CXCL13: variants seen among roughly 807,000 people sequenced by gnomAD.
The protein encoded by CXCL13 is C-X-C motif chemokine ligand 13, also known as C-X-C motif chemokine 13.
A neutral mutation model predicts 12.2 loss-of-function variants in CXCL13; 7 were observed. The observed-to-expected ratio is 0.57, with a 90% CI of 0.33 to 1.07. The LOEUF (loss-of-function observed/expected upper bound fraction) is 1.07. CXCL13 is among the 50% of genes least tolerant of loss of function. The pLI, the probability that CXCL13 is intolerant of heterozygous loss-of-function variation, is 0.04. For missense variants in CXCL13, 113 were observed against 127.4 expected (o/e 0.89, Z 0.55); for synonymous variants, 47 against 42.4 (o/e 1.11, Z -0.42).
intron 1 of CXCL13, among the ~76,000 whole-genome samples, chr4:77,535,292 A>G (rs1170616016): frequency 1.3e-5 from 2 of 152,126 alleles, no homozygotes; most frequent in East Asian, 3.9e-4. Context: ...CAGTTGTGAC[A>G]TACTTCTTTC....
Position 77,607,824 on chromosome 4 carries a change from A to G in CXCL13, c.186A>G (p.Arg62=). ...QILPRGNGCP[R]KEIIVWKKNK... ...TGCCCCGTGGGAATGGTTGTCCAAG[A>G]AAAGAAATCATGTAAGTTTCAAGAG... Residue 62 remains arginine, a synonymous_variant, in exon 2 of 4, where the codon AGA becomes AGG. Transcript: ENST00000682537. The G allele has an allele frequency of 1.2e-6, 2 of 1,613,974 alleles. No homozygotes were observed. The highest frequency in any genetic ancestry group is 1.7e-6 in the Non-Finnish European group (2 of 1,179,932).
At chr4:77,543,941 C>T (rs1439761136) in intron 1 of CXCL13, among the ~76,000 whole-genome samples, 1 of 152,098 alleles carries the variant, frequency 6.6e-6, no homozygotes, top group African/African-American at 2.4e-5. Context: ...TGTTCCCCAC[C>T]CTGTGTCCAA....
chr4:77,565,802 G>A (rs1225795996), intron 1 of CXCL13, among the ~76,000 whole-genome samples: 1 of 152,096 alleles, frequency 6.6e-6, no homozygotes. Context: ...GACAGCTGAA[G>A]GACATGGAAA....
chr4:77,572,920 A>C (rs1269811612), intron 1 of CXCL13, among the ~76,000 whole-genome samples: 2 of 151,064 alleles, frequency 1.3e-5, no homozygotes. Flanking sequence ...AAGAATGAGA[A>C]CATGTCCTTT....
intron 2 of CXCL13, 60 bp from the exon 3 acceptor site, chr4:77,610,554 T>G: frequency 7.8e-7 from 1 of 1,277,450 alleles, no homozygotes; most frequent in South Asian, 1.2e-5. Flanking sequence ...TTTTCTTTAT[T>G]AAAAGTATAG....
At chr4:77,557,034 AAGAG>A (rs145165710) in intron 1 of CXCL13, among the ~76,000 whole-genome samples, 14 of 151,596 alleles carry the variant, frequency 9.2e-5, no homozygotes, top group African/African-American at 2.4e-4. Context: ...TAAAAAATAA[AAGAG>A]AGAGAGAGAG....
chr4:77,520,266 C>G lies in CXCL13; in HGVS notation c.-43+8478C>G, dbSNP rs567866352. ...ATTCTGTGAAGAAAGTCATTGGTAG[C>G]TTGATGGGGATGGCATTGAACCTAT... is the stretch of plus-strand genomic sequence containing the variant. On this transcript the variant is annotated intron_variant, in intron 1 of 4. Transcript: ENST00000286758. Among the ~76,000 whole-genome samples, 4 of 152,244 alleles carry G rather than the reference C, an allele frequency of 2.6e-5. No homozygotes were observed. In the East Asian group the frequency reaches 5.8e-4, roughly 22 times the overall value.
intron 1 of CXCL13, among the ~76,000 whole-genome samples, chr4:77,552,635 G>C (rs1227770113): frequency 6.6e-6 from 1 of 152,254 alleles, no homozygotes; most frequent in Non-Finnish European, 1.5e-5. Context: ...CAGGTCCCCT[G>C]ATGGCAGACA....
intron 1 of CXCL13, among the ~76,000 whole-genome samples, chr4:77,526,024 T>C (rs192110402): frequency 6.6e-6 from 1 of 151,872 alleles, no homozygotes; most frequent in East Asian, 1.9e-4. Flanking sequence ...TGAAAAAGCA[T>C]TTAAAAAAAC....
chr4:77,528,960 G>T (rs575769547), intron 1 of CXCL13, among the ~76,000 whole-genome samples: 1 of 152,170 alleles, frequency 6.6e-6, no homozygotes, highest in Non-Finnish European at 1.5e-5. Context: ...TTTGTATAAG[G>T]TGTAAGGAAG....
chr4:77,555,476 G>T lies in CXCL13; in HGVS notation c.-43+43688G>T, dbSNP rs148897684. On this transcript the variant is annotated intron_variant, in intron 1 of 4. Transcript: ENST00000286758. Reference sequence around the variant, plus strand: ...ACCACTGGATGCCTATGTGAAAAAAGCATGAACTTCAACTCTTACCTCACA... The same window carrying T: ...ACCACTGGATGCCTATGTGAAAAAATCATGAACTTCAACTCTTACCTCACA... Among the ~76,000 whole-genome samples, 117 of 152,058 alleles carry T rather than the reference G, an allele frequency of 7.7e-4. 1 individual carries two copies. The highest frequency in any genetic ancestry group is 1.5e-3 in the South Asian group (7 of 4,812).
At chr4:77,588,071 G>T (rs935872608) in intron 1 of CXCL13, among the ~76,000 whole-genome samples, 2 of 152,168 alleles carry the variant, frequency 1.3e-5, no homozygotes, top group Non-Finnish European at 2.9e-5. Flanking sequence ...CATGGCCAAG[G>T]GGATTTTGAT....
chr4:77,561,210 A>C (rs1161510979), intron 1 of CXCL13, among the ~76,000 whole-genome samples: 1 of 152,236 alleles, frequency 6.6e-6, no homozygotes, highest in Admixed American at 6.5e-5. Context: ...AGTGTGGTCC[A>C]TGGACCAGGA....
chr4:77,538,209 G>A (rs1197853583), intron 1 of CXCL13, among the ~76,000 whole-genome samples: 1 of 152,196 alleles, frequency 6.6e-6, no homozygotes, highest in Non-Finnish European at 1.5e-5. Context: ...GAGGAGGCAG[G>A]AAGGTGCCTC....
intron 1 of CXCL13, among the ~76,000 whole-genome samples, chr4:77,583,604 A>G (rs1726387470): frequency 6.6e-6 from 1 of 152,080 alleles, no homozygotes; most frequent in Non-Finnish European, 1.5e-5. Flanking sequence ...CAGGGTACTG[A>G]GTTCTCCTTT....
chr4:77,604,602 T>C (rs1273896763), upstream of CXCL13, among the ~76,000 whole-genome samples: 1 of 151,570 alleles, frequency 6.6e-6, no homozygotes, highest in Non-Finnish European at 1.5e-5. Context: ...AGGAAGAACA[T>C]CGTAACAACT....
chr4:77,517,101 A>T (rs1386171501), intron 1 of CXCL13, among the ~76,000 whole-genome samples: 8 of 151,902 alleles, frequency 5.3e-5, no homozygotes, highest in African/African-American at 1.9e-4. Flanking sequence ...TTCATTTTCC[A>T]TATAGTTGAG....
At chr4:77,529,596 G>A (rs1724853483) in intron 1 of CXCL13, among the ~76,000 whole-genome samples, 1 of 152,144 alleles carries the variant, frequency 6.6e-6, no homozygotes, top group South Asian at 2.1e-4. Flanking sequence ...TGGTGTATAA[G>A]AATGCTTGTG....
chr4:77,611,828 T>C lies in CXCL13; in HGVS notation c.*789T>C, dbSNP rs555200470. ...ATTCAATAAAGTTGAGCAAACATTT[T>C]ACTTAATTATGAGCAATTTCTTCTT... is the stretch of plus-strand genomic sequence containing the variant. On this transcript the variant is annotated 3_prime_UTR_variant, in exon 4 of 4. Transcript: ENST00000682537. The C allele has an allele frequency of 2.5e-6, 1 of 398,788 alleles. No individual in the cohort carries two copies. The highest frequency in any genetic ancestry group is 4.4e-5 in the Admixed American group (1 of 22,690). The allele number at this position is 398,788 out of a possible 1,614,324, so 24.7% of individuals were successfully genotyped here.
Sources: gnomAD v4.1 joint callset for allele counts (sites outside exome capture counted in the v4.1 genomes callset) on GRCh38, gnomAD v4.1.1 for gene constraint, MANE v1.5 for transcripts, NCBI Gene and HGNC (gene_info 2026-07-23, HGNC 2026-07-21) for gene names.